The following GLIS3 variants were observed in gnomAD, a reference collection of about 807,000 sequenced individuals.
GLIS3 encodes zinc finger protein GLIS3.
GLIS3 carries 53 observed loss-of-function variants against 78.6 expected under a neutral mutation model. The ratio of observed to expected loss-of-function variants is 0.67; its 90% CI spans 0.54 to 0.85. GLIS3 has a LOEUF of 0.85. Ranked by LOEUF, GLIS3 falls within the 40% of genes least tolerant of loss-of-function variation. The probability of loss-of-function intolerance (pLI) is 0.00; values close to 1 mark genes in which losing one functional copy is unlikely to be tolerated. For missense variants in GLIS3, 1,703 were observed against 1,231.1 expected (o/e 1.38, Z -5.74); for synonymous variants, 684 against 509.9 (o/e 1.34, Z -4.60).
intron 4 of GLIS3, among the ~76,000 whole-genome samples, chr9:3,998,790 T>TA (rs1002528439): frequency 6.7e-6 from 1 of 148,590 alleles, no homozygotes; most frequent in Admixed American, 6.7e-5. Flanking sequence ...AATAATATTT[T>TA]AATAAAATAA....
At chr9:4,421,907 G>A in the GLIS3 span, among the ~76,000 whole-genome samples, 1 of 152,292 alleles carries the variant, frequency 6.6e-6, no homozygotes, top group Admixed American at 6.5e-5. Context: ...TTAAACATGA[G>A]TAGGAAAACA....
chr9:4,485,100 T>C, the GLIS3 span, among the ~76,000 whole-genome samples: 110,780 of 151,570 alleles, frequency 0.73, 40,630 homozygotes, highest in East Asian at 0.85. Flanking sequence ...CTGCAACTTC[T>C]ACCTCCTGGG....
the GLIS3 span, among the ~76,000 whole-genome samples, chr9:4,412,152 A>G: frequency 0.48 from 73,165 of 152,036 alleles, 18,004 homozygotes; most frequent in Admixed American, 0.54. Flanking sequence ...ACTAAAGCTT[A>G]GGTGGCACTC....
chr9:3,960,022 T>G (rs472170), intron 4 of GLIS3, among the ~76,000 whole-genome samples: 62,806 of 151,986 alleles, frequency 0.41, 13,957 homozygotes, highest in African/African-American at 0.52. Flanking sequence ...CATGGTGGTG[T>G]GCACCTGTAA....
upstream of GLIS3, among the ~76,000 whole-genome samples, chr9:4,303,284 C>CAA (rs1443471747): frequency 1.8e-3 from 263 of 147,062 alleles, 2 homozygotes; most frequent in African/African-American, 6.9e-3. Flanking sequence ...CACACACACA[C>CAA]ACACACGAGC....
chr9:3,932,722 GCTC>G lies in GLIS3; in HGVS notation c.1873-255_1873-253del, dbSNP rs1335259462. ...TTTCTAAGAGATTGCTTTAGTGTGT[GCTC>G]TAACCACAAAACCTCTTGGGGCATT... is the stretch of plus-strand genomic sequence containing the variant. On this transcript the variant is annotated intron_variant, in intron 5 of 10. Transcript: ENST00000381971. The G allele has an allele frequency of 6.4e-5, 29 of 456,534 alleles. 1 individual carries two copies. Among genetic ancestry groups the G allele is most frequent in the Non-Finnish European group, 4.1e-6 (1 of 241,450 alleles). The allele number at this position is 456,534 out of a possible 1,614,324, so 28.3% of individuals were successfully genotyped here. A position where few individuals can be genotyped will look rare whatever the true frequency, so the allele number is the denominator to read the frequency against.
At chr9:4,368,624 T>C in the GLIS3 span, among the ~76,000 whole-genome samples, 1 of 152,348 alleles carries the variant, frequency 6.6e-6, no homozygotes, top group Non-Finnish European at 1.5e-5. Flanking sequence ...GTGCTGGGAT[T>C]ACAGGCGTGA....
intron 2 of GLIS3, among the ~76,000 whole-genome samples, chr9:4,207,419 C>T (rs889494909): frequency 6.6e-6 from 1 of 152,174 alleles, no homozygotes; most frequent in Admixed American, 6.5e-5. Flanking sequence ...GAAACATTTG[C>T]AGGATTAAAA....
At chr9:3,985,544 T>A (rs1026811513) in intron 4 of GLIS3, among the ~76,000 whole-genome samples, 1 of 152,202 alleles carries the variant, frequency 6.6e-6, no homozygotes, top group African/African-American at 2.4e-5. Context: ...ACATGAATAT[T>A]TGGGCCCAGA....
Position 4,274,223 on chromosome 9 carries a change from T to C in GLIS3, c.388+11815A>G, listed in dbSNP as rs535780130. Among the ~76,000 whole-genome samples the C allele has an allele frequency of 4.6e-5, 7 of 152,314 alleles. No homozygotes were observed. The East Asian group carries it at 5.8e-4, about 13-fold the overall frequency. Reference sequence around the variant, plus strand: ...TACAGCAATGCTTCTCGAATGTCAATGTACACTTGCAAGGTCAGTTACATA... The same window carrying C: ...TACAGCAATGCTTCTCGAATGTCAACGTACACTTGCAAGGTCAGTTACATA... On this transcript the variant is annotated intron_variant, in intron 2 of 10. Coordinates refer to ENST00000381971, the MANE Select transcript of GLIS3 (RefSeq NM_001042413.2).
the GLIS3 span, among the ~76,000 whole-genome samples, chr9:4,474,894 G>A: frequency 1.3e-5 from 2 of 151,378 alleles, no homozygotes; most frequent in African/African-American, 4.8e-5. Flanking sequence ...CAGAGACGGG[G>A]GCTCCCTATG....
the GLIS3 span, among the ~76,000 whole-genome samples, chr9:4,451,581 T>C: frequency 9.2e-5 from 14 of 152,226 alleles, no homozygotes; most frequent in South Asian, 1.9e-3. Context: ...TACCCCAAAA[T>C]TGACCACATA....
intron 1 of GLIS3, among the ~76,000 whole-genome samples, chr9:4,294,070 T>A (rs1386363685): frequency 6.6e-6 from 1 of 152,228 alleles, no homozygotes; most frequent in African/African-American, 2.4e-5. Context: ...TATTTTGTTC[T>A]CTTTTCCCCC....
At chr9:4,422,145 G>A in the GLIS3 span, among the ~76,000 whole-genome samples, 1 of 152,152 alleles carries the variant, frequency 6.6e-6, no homozygotes, top group Non-Finnish European at 1.5e-5. Flanking sequence ...CAGATTTTGT[G>A]TTAATGAAAA....
chr9:4,292,630 T>C lies in GLIS3; in HGVS notation c.-98-6107A>G, dbSNP rs74324269. On this transcript the variant is annotated intron_variant, in intron 1 of 10. Transcript: ENST00000381971. ...CAAAGCTTCATTCCTACCACTGCTA[T>C]CTTTCACTGTGCAGTAAGTATCAAT... 2.8e-3 allele frequency among the ~76,000 whole-genome samples: 428 copies of C among 152,336 alleles called. 1 individual carries two copies. The highest frequency in any genetic ancestry group is 9.7e-3 in the African/African-American group (405 of 41,580).
intron 2 of GLIS3, among the ~76,000 whole-genome samples, chr9:4,148,725 A>G (rs1182709146): frequency 6.6e-6 from 1 of 152,154 alleles, no homozygotes; most frequent in African/African-American, 2.4e-5. Context: ...TTGCACAGGT[A>G]GGTGGAGAGA....
chr9:4,354,090 C>T, the GLIS3 span, among the ~76,000 whole-genome samples: 5,949 of 151,944 alleles, frequency 0.039, 233 homozygotes, highest in East Asian at 0.15. Context: ...CCTGCCTCAG[C>T]CTCCCAAAGC....
chr9:4,107,590 A>C (rs1250220059), intron 4 of GLIS3, among the ~76,000 whole-genome samples: 1 of 152,226 alleles, frequency 6.6e-6, no homozygotes, highest in African/African-American at 2.4e-5. Flanking sequence ...AAATTATTTT[A>C]ATGCATTGCA....
rs780599149 is a variant in GLIS3 at position 3,932,133 on chromosome 9, GCAGCTATGCAAACCATAGCCATAT to G, written c.1983+203_1983+226del. On this transcript the variant is annotated intron_variant, in intron 6 of 10. Transcript: ENST00000381971. ...TTTCCCAGAAATTTGCATAGCTATA[GCAGCTATGCAAACCATAGCCATAT>G]CAGCTATGCAAACCATAGCCATATC... 0.1 allele frequency among the ~76,000 whole-genome samples: 15,800 copies of G among 151,478 alleles called. 1,085 individuals are homozygous for G. The highest frequency in any genetic ancestry group is 0.16 in the East Asian group (796 of 5,104).
Sources: allele counts gnomAD v4.1 joint callset (sites outside exome capture counted in the v4.1 genomes callset), GRCh38; gene constraint gnomAD v4.1.1; transcripts MANE v1.5; gene names NCBI Gene and HGNC (gene_info 2026-07-23, HGNC 2026-07-21).